Variants in PCDHGB5 observed in about 807,000 individuals in gnomAD.
PCDHGB5 encodes protocadherin gamma-B5.
Under a neutral mutation model 62.9 loss-of-function variants are expected in PCDHGB5, and 48 were observed. The observed-to-expected ratio is 0.76, with a 90% CI of 0.61 to 0.97. PCDHGB5 has a LOEUF of 0.97. Among genes scored for constraint, PCDHGB5 ranks in the 50% least tolerant of loss-of-function variants. The pLI, the probability that PCDHGB5 is intolerant of heterozygous loss-of-function variation, is 0.00. For missense variants in PCDHGB5, 1,118 were observed against 1,198.6 expected (o/e 0.93, Z 0.99); for synonymous variants, 474 against 511.2 (o/e 0.93, Z 0.98).
In PCDHGB5 at chr5:141,476,178, T is replaced by G; in HGVS notation, c.2398-18629T>G. Reference sequence around the variant, plus strand: ...ACCGGGAGGGTAGTGGGAGTTTTGCTTCTGCTTGGTGCCTTGAACAAGGCT... The same window carrying G: ...ACCGGGAGGGTAGTGGGAGTTTTGCGTCTGCTTGGTGCCTTGAACAAGGCT... On this transcript the variant is annotated intron_variant, in intron 1 of 3. Transcript: ENST00000617380. This position sits in a 1 kb window ranked among gnomAD's most constrained non-coding sequence, Gnocchi z 7.6. The G allele has an allele frequency of 3.1e-6, 5 of 1,613,632 alleles. No homozygotes were observed. Among genetic ancestry groups the G allele is most frequent in the Non-Finnish European group, 4.2e-6 (5 of 1,180,000 alleles).
chr5:141,486,284 C>G lies in PCDHGB5; in HGVS notation c.2398-8523C>G, dbSNP rs1259853159. ...TGCAGAACCTGGCACTGTGGTGGCA[C>G]TTATCAGTGTGCAGGATCCAGACTC... On this transcript the variant is annotated intron_variant, in intron 1 of 3. Transcript: ENST00000617380. This position sits in a 1 kb window ranked among gnomAD's most constrained non-coding sequence, Gnocchi z 5.0. The G allele has an allele frequency of 6.2e-7, 1 of 1,614,050 alleles. No homozygotes were observed. The highest frequency in any genetic ancestry group is 8.5e-7 in the Non-Finnish European group (1 of 1,179,988).
intron 1 of PCDHGB5, among the ~76,000 whole-genome samples, chr5:141,466,493 A>G (rs2099123402): frequency 6.6e-6 from 1 of 152,226 alleles, no homozygotes; most frequent in South Asian, 2.1e-4. Context: ...TTCTTTAATT[A>G]GAGCACAGAC....
At chr5:141,408,851 G>A in intron 1 of PCDHGB5, 1 of 1,613,574 alleles carries the variant, frequency 6.2e-7, no homozygotes, top group Non-Finnish European at 8.5e-7. Context: ...TGCCTTGGAC[G>A]GAGGGGACCC....
intron 1 of PCDHGB5, chr5:141,427,689 A>C (rs3749765): frequency 0.15 from 132,103 of 873,882 alleles, 11,769 homozygotes; most frequent in African/African-American, 0.33. Flanking sequence ...CGGAGCCTCC[A>C]TCCCACAAGT....
At chr5:141,461,251 A>G (rs925406409) in intron 1 of PCDHGB5, among the ~76,000 whole-genome samples, 1 of 152,156 alleles carries the variant, frequency 6.6e-6, no homozygotes, top group Non-Finnish European at 1.5e-5. Flanking sequence ...TTATATTCCC[A>G]GCAGCAATGT....
rs2094474207 is a variant in PCDHGB5 at position 141,403,989 on chromosome 5, A to C, written c.2397+3465A>C. On this transcript the variant is annotated intron_variant, in intron 1 of 3. Coordinates refer to ENST00000617380, the MANE Select transcript of PCDHGB5 (RefSeq NM_018925.3). ...GAAGATGTAAATGACAATAGACCTG[A>C]AGTGACCATTACATCTCTGTTTAGC... The C allele has an allele frequency of 1.2e-6, 2 of 1,613,868 alleles. No homozygotes were observed. Among genetic ancestry groups the C allele is most frequent in the Middle Eastern group, 1.6e-4 (1 of 6,062 alleles).
chr5:141,501,290 TAC>T (rs55762287), intron 2 of PCDHGB5, among the ~76,000 whole-genome samples: 11,544 of 136,022 alleles, frequency 0.085, 708 homozygotes, highest in East Asian at 0.37. Context: ...TATTCCCTTA[TAC>T]ACACACACAC....
chr5:141,433,076 C>G, intron 1 of PCDHGB5: 1 of 1,614,188 alleles, frequency 6.2e-7, no homozygotes, highest in Non-Finnish European at 8.5e-7. Context: ...CTTCCCCCAG[C>G]CCAACTATGC....
chr5:141,404,540 A>G, intron 1 of PCDHGB5: 2 of 1,613,920 alleles, frequency 1.2e-6, no homozygotes, highest in Non-Finnish European at 1.7e-6. Context: ...AGATTTGCAA[A>G]TGCAGGTGAC....
chr5:141,432,172 CGTCTCTGTGACCGCCCACGACCCCGA>C lies in PCDHGB5; in HGVS notation c.2397+31649_2397+31674del. 6.2e-7 allele frequency: 1 copy of C among 1,614,152 alleles called. No individual in the cohort carries two copies. Among genetic ancestry groups the C allele is most frequent in the Non-Finnish European group, 8.5e-7 (1 of 1,180,038 alleles). ...AGAACAATCCCAGAGGAGTTTCCCT[CGTCTCTGTGACCGCCCACGACCCCGA>C]CTGTGAAGAGAACGCCCAGATCACT... On this transcript the variant is annotated intron_variant, in intron 1 of 3. Transcript: ENST00000617380. The surrounding 1 kb of genome is among the most constrained non-coding windows in gnomAD (Gnocchi z 6.0).
In PCDHGB5 at chr5:141,491,759, G is replaced by A; in HGVS notation, c.2398-3048G>A. On this transcript the variant is annotated intron_variant, in intron 1 of 3. Coordinates refer to ENST00000617380, the MANE Select transcript of PCDHGB5 (RefSeq NM_018925.3). The surrounding 1 kb of genome is among the most constrained non-coding windows in gnomAD (Gnocchi z 6.9). ...GGGGGCGGCACTGGAGAAGCCGCCC[G>A]TCCTCATAAGGGATTGAACTTGCAT... 2 of 1,575,392 alleles carry A rather than the reference G, an allele frequency of 1.3e-6. No homozygotes were observed. The highest frequency in any genetic ancestry group is 1.9e-5 in the Admixed American group (1 of 52,640).
chr5:141,485,434 G>A lies in PCDHGB5; in HGVS notation c.2398-9373G>A. The A allele has an allele frequency of 6.2e-7, 1 of 1,614,166 alleles. No individual in the cohort carries two copies. The highest frequency in any genetic ancestry group is 8.5e-7 in the Non-Finnish European group (1 of 1,180,018). On this transcript the variant is annotated intron_variant, in intron 1 of 3. Coordinates refer to ENST00000617380, the MANE Select transcript of PCDHGB5 (RefSeq NM_018925.3). This position sits in a 1 kb window ranked among gnomAD's most constrained non-coding sequence, Gnocchi z 5.7. ...TGGACAGCGGAGCCCTGCTCATCAA[G>A]AACCCAATCGACCGAGAGGCACTGT...
rs1378433689 is a variant in PCDHGB5, at chr5:141,409,139, G to A, written c.2397+8615G>A. Reference sequence around the variant, plus strand: ...CCAGTCATTTGATTTTGAAGATGTAGAAAGGTACACCATGGAAGTGGAAGC... The same window carrying A: ...CCAGTCATTTGATTTTGAAGATGTAAAAAGGTACACCATGGAAGTGGAAGC... On this transcript the variant is annotated intron_variant, in intron 1 of 3. Transcript: ENST00000617380. 5.6e-6 allele frequency: 9 copies of A among 1,613,894 alleles called. No homozygotes were observed. In the Admixed American group the frequency reaches 1.5e-4, roughly 27 times the overall value.
intron 1 of PCDHGB5, chr5:141,419,693 A>G (rs1241615790): frequency 6.2e-7 from 1 of 1,612,884 alleles, no homozygotes; most frequent in Non-Finnish European, 8.5e-7. Flanking sequence ...GGTGCAGGCC[A>G]GTGAGCCCGG....
chr5:141,461,269 TTC>T (rs1316205976), intron 1 of PCDHGB5, among the ~76,000 whole-genome samples: 4 of 152,186 alleles, frequency 2.6e-5, no homozygotes, highest in Admixed American at 2.0e-4. Flanking sequence ...TGTGTAAGTG[TTC>T]TCTTTTCCCC....
rs775331499 is a variant in PCDHGB5 at position 141,422,779 on chromosome 5, C to T, written c.2397+22255C>T. The T allele has an allele frequency of 8.7e-6, 14 of 1,614,070 alleles. No homozygotes were observed. In the East Asian group the frequency reaches 2.9e-4, roughly 33 times the overall value. ...CTCCAACACTGGTGTTCTCTATGCC[C>T]TACAATCCTTCGACTATGAGCAGTT... On this transcript the variant is annotated intron_variant, in intron 1 of 3. Transcript: ENST00000617380.
intron 1 of PCDHGB5, chr5:141,423,749 TTGGGGGGGGGG>T: frequency 3.7e-6 from 1 of 272,202 alleles, no homozygotes; most frequent in Non-Finnish European, 4.7e-6. Context: ...TGAAAACTGT[TTGGGGGGGGGG>T]TGGGGCGGCA....
At chr5:141,459,863 G>A (rs182099511) in intron 1 of PCDHGB5, among the ~76,000 whole-genome samples, 2 of 152,242 alleles carry the variant, frequency 1.3e-5, no homozygotes, top group East Asian at 1.9e-4. Context: ...TGAAGCATTC[G>A]TTCATCTTTA....
At chr5:141,442,202 G>A (rs1033563159) in intron 1 of PCDHGB5, 2 of 153,258 alleles carry the variant, frequency 1.3e-5, no homozygotes, top group African/African-American at 4.8e-5. Context: ...TTTATATCTG[G>A]TGATTGCCTT....
Sources: gnomAD v4.1 joint callset for allele counts (sites outside exome capture counted in the v4.1 genomes callset) on GRCh38, gnomAD v4.1.1 for gene constraint, Gnocchi (gnomAD v3.1) non-coding constraint, MANE v1.5 for transcripts, NCBI Gene and HGNC (gene_info 2026-07-23, HGNC 2026-07-21) for gene names.